IL7: variants seen among roughly 807,000 people sequenced by gnomAD.
IL7 encodes interleukin 7.
IL7 carries 3 observed loss-of-function variants against 21.6 expected under a neutral mutation model. That is an observed-to-expected ratio of 0.14 (90% confidence interval 0.06 to 0.36). The LOEUF (loss-of-function observed/expected upper bound fraction) is 0.36, where lower values mean the gene tolerates loss of function less well. Ranked by LOEUF, IL7 falls within the 10% of genes least tolerant of loss-of-function variation. IL7 has a pLI of 1.00. For synonymous variants in IL7, 62 were observed against 68.1 expected, an observed-to-expected ratio of 0.91 and a Z score of 0.44; for missense variants, 175 against 200.2, an observed-to-expected ratio of 0.87 and a Z score of 0.76.
chr8:78,733,739 T>C lies in IL7; in HGVS notation c.508A>G (p.Ile170Val). Residue 170 changes from isoleucine (I) to valine (V), a missense_variant, in exon 6 of 6, where the codon ATT becomes GTT. Physicochemically the swap from Ile to Val is conservative, Grantham distance 29. Coordinates refer to ENST00000263851, the MANE Select transcript of IL7 (RefSeq NM_000880.4). ...CAGTGTTCTTTAGTGCCCATCAAAA[T>C]TTTATTCCAACAAGTTTTTATCTCT... is the stretch of plus-strand genomic sequence containing the variant. ...LQEIKTCWNK[I>V]LMGTKEH 1 of 1,601,198 alleles carries C rather than the reference T, an allele frequency of 6.2e-7. No homozygotes were observed. The highest frequency in any genetic ancestry group is 8.5e-7 in the Non-Finnish European group (1 of 1,175,822).
intron 2 of IL7, among the ~76,000 whole-genome samples, chr8:78,762,653 T>A (rs1409177989): frequency 1.9e-5 from 1 of 51,814 alleles, no homozygotes. Flanking sequence ...TCCCAATGCA[T>A]TTTTTTTTTT....
intron 3 of IL7, among the ~76,000 whole-genome samples, chr8:78,711,127 T>C (rs1055543893): frequency 6.6e-6 from 1 of 152,128 alleles, no homozygotes; most frequent in Non-Finnish European, 1.5e-5. Flanking sequence ...TGAGCAAATA[T>C]CTCTTAAAAA....
chr8:78,798,740 G>A (rs777765265), intron 1 of IL7, among the ~76,000 whole-genome samples: 13 of 151,908 alleles, frequency 8.6e-5, no homozygotes, highest in Non-Finnish European at 1.9e-4. Context: ...TTTTAATAAT[G>A]AACCCTGAAG....
chr8:78,778,161 A>T (rs928915128), intron 2 of IL7, among the ~76,000 whole-genome samples: 4 of 152,116 alleles, frequency 2.6e-5, no homozygotes, highest in Non-Finnish European at 5.9e-5. Context: ...TAGTCTGGTA[A>T]ACTGGTCTTT....
Position 78,794,701 on chromosome 8 carries a change from A to G in IL7, c.147+3371T>C, listed in dbSNP as rs146664110. Among the ~76,000 whole-genome samples, 613 of 152,224 alleles carry G rather than the reference A, an allele frequency of 4.0e-3. 6 individuals carry two copies. The highest frequency in any genetic ancestry group is 0.014 in the African/African-American group (562 of 41,560). ...CTTTACTACTTCCAGAACACCATTT[A>G]CATCTTTTTGTTTCTGAGCTTGTTT... On this transcript the variant is annotated intron_variant, in intron 2 of 5. Transcript: ENST00000263851.
intron 2 of IL7, among the ~76,000 whole-genome samples, chr8:78,794,434 A>G (rs1334104190): frequency 6.6e-6 from 1 of 152,120 alleles, no homozygotes; most frequent in African/African-American, 2.4e-5. Flanking sequence ...ATATTTTGCT[A>G]AAACTTAAAG....
chr8:78,741,269 A>C (rs138420345), intron 2 of IL7, among the ~76,000 whole-genome samples: 389 of 152,352 alleles, frequency 2.6e-3, no homozygotes, highest in Non-Finnish European at 4.2e-3. Context: ...CAAGTGTAAA[A>C]GATACATTTT....
chr8:78,773,803 A>G (rs1363966155), intron 2 of IL7, among the ~76,000 whole-genome samples: 2 of 152,122 alleles, frequency 1.3e-5, no homozygotes, highest in Non-Finnish European at 2.9e-5. Context: ...TGACTGGAGA[A>G]GCCAATTAGG....
intron 3 of IL7, chr8:78,697,567 T>C: frequency 8.1e-7 from 1 of 1,240,928 alleles, no homozygotes; most frequent in Non-Finnish European, 1.2e-6. Flanking sequence ...GAGCAGGAAA[T>C]AAAGATAGTG....
chr8:78,692,849 T>TTA (rs1810255215), intron 3 of IL7, among the ~76,000 whole-genome samples: 2 of 152,124 alleles, frequency 1.3e-5, no homozygotes, highest in African/African-American at 2.4e-5. Flanking sequence ...GTCATTTACA[T>TTA]GGAGTATATC....
intron 2 of IL7, chr8:78,762,026 T>C (rs1276889140): frequency 1.9e-6 from 3 of 1,601,240 alleles, no homozygotes. Context: ...AGCATTGCTA[T>C]TGTTGGTTTC....
At chr8:78,689,463 A>C in intron 3 of IL7, 1 of 1,252,982 alleles carries the variant, frequency 8.0e-7, no homozygotes, top group Non-Finnish European at 1.1e-6. Context: ...ACATTAGACT[A>C]TATTTTTCTC....
intron 2 of IL7, among the ~76,000 whole-genome samples, chr8:78,779,623 C>T (rs1285581201): frequency 1.3e-5 from 2 of 151,920 alleles, no homozygotes; most frequent in Non-Finnish European, 2.9e-5. Context: ...TCGATGTGCT[C>T]CTGGATTTGG....
intron 2 of IL7, among the ~76,000 whole-genome samples, chr8:78,743,871 C>T (rs1811884061): frequency 6.6e-6 from 1 of 152,104 alleles, no homozygotes; most frequent in South Asian, 2.1e-4. Flanking sequence ...CTACTCCAGT[C>T]CCTAGTTGCC....
At chr8:78,764,569 G>A (rs916164042) in intron 2 of IL7, among the ~76,000 whole-genome samples, 2 of 151,772 alleles carry the variant, frequency 1.3e-5, no homozygotes, top group East Asian at 1.9e-4. Context: ...AAAACCCATT[G>A]CCACTTTATG....
At chr8:78,713,587 G>A (rs1421504190), downstream of IL7, among the ~76,000 whole-genome samples, 1 of 152,148 alleles carries the variant, frequency 6.6e-6, no homozygotes, top group East Asian at 1.9e-4. Context: ...ATACACAAGA[G>A]TAGAGTAAAC....
At chr8:78,785,429 G>A (rs748022280) in intron 2 of IL7, among the ~76,000 whole-genome samples, 9 of 151,868 alleles carry the variant, frequency 5.9e-5, no homozygotes, top group Non-Finnish European at 1.3e-4. Context: ...CATATTTTTT[G>A]TTCATTCTTC....
Position 78,804,817 on chromosome 8 carries a change from C to A in IL7, c.10+96G>T, listed in dbSNP as rs553442291. ...GTCCAAAGTGCAAGGCCGGGCTATTCCCGGACTTGCCTAGGAGCAGGGGCC... is the reference window on the plus strand; with the variant it reads ...GTCCAAAGTGCAAGGCCGGGCTATTACCGGACTTGCCTAGGAGCAGGGGCC... On this transcript the variant is annotated intron_variant, in intron 1 of 5. Transcript: ENST00000263851. The A allele has an allele frequency of 2.1e-4, 307 of 1,444,162 alleles. 7 individuals are homozygous for A. In the South Asian group the frequency reaches 3.0e-3, roughly 14 times the overall value. The allele number at this position is 1,444,162 out of a possible 1,614,324, so 89.5% of individuals were successfully genotyped here.
chr8:78,713,512 G>T (rs765802139), downstream of IL7, among the ~76,000 whole-genome samples: 10 of 151,464 alleles, frequency 6.6e-5, no homozygotes, highest in Non-Finnish European at 1.5e-4. Context: ...CTTTGACAAT[G>T]ATTTCCTAAA....
Sources: gnomAD v4.1 joint callset for allele counts (sites outside exome capture counted in the v4.1 genomes callset) on GRCh38, gnomAD v4.1.1 for gene constraint, MANE v1.5 for transcripts, NCBI Gene and HGNC (gene_info 2026-07-23, HGNC 2026-07-21) for gene names.